Variants in TONSL observed in about 807,000 individuals in gnomAD.
TONSL encodes the protein tonsoku-like protein.
Under a neutral mutation model 147.1 loss-of-function variants are expected in TONSL, and 112 were observed. The ratio of observed to expected loss-of-function variants is 0.76; its 90% CI spans 0.65 to 0.89. The LOEUF (loss-of-function observed/expected upper bound fraction) is 0.89. Ranked by LOEUF, TONSL falls within the 40% of genes least tolerant of loss-of-function variation. TONSL has a pLI of 0.00. For missense variants in TONSL, 1,883 were observed against 1,864.6 expected (o/e 1.01, Z -0.18); for synonymous variants, 868 against 801.5 (o/e 1.08, Z -1.40).
At chr8:144,438,192 C>T (rs1425210357) in intron 13 of TONSL, 7 of 516,406 alleles carry the variant, frequency 1.4e-5, no homozygotes, top group Middle Eastern at 5.4e-4. Flanking sequence ...TAAGCCACCC[C>T]GTGCAGCCTC....
chr8:144,430,159 G>C (rs1461974368), intron 25 of TONSL, among the ~76,000 whole-genome samples: 2 of 152,214 alleles, frequency 1.3e-5, no homozygotes, highest in Non-Finnish European at 2.9e-5. Flanking sequence ...AGTCTGCTCT[G>C]AAGGTTGGGT....
At chr8:144,433,478 G>A in intron 22 of TONSL, 110 bp downstream of exon 22, 2 of 1,073,310 alleles carry the variant, frequency 1.9e-6, no homozygotes, top group East Asian at 2.5e-5. Flanking sequence ...CAAGTAGCTG[G>A]GACCACAGGT....
chr8:144,443,830 A>G, intron 3 of TONSL, 52 bp downstream of exon 3: 1 of 1,535,172 alleles, frequency 6.5e-7, no homozygotes, highest in Non-Finnish European at 8.7e-7. Flanking sequence ...CTCCTCAGAA[A>G]AGGGCTCCAG....
At chr8:144,433,392 A>G in intron 22 of TONSL, 196 bp downstream of exon 22, 1 of 582,612 alleles carries the variant, frequency 1.7e-6, no homozygotes, top group Non-Finnish European at 3.0e-6. Context: ...CTTTTTTCTT[A>G]AGGGATGGGG....
In TONSL at chr8:144,433,238, G is replaced by A. The variant is rs998929476; in HGVS notation, c.3559+350C>T. ...TGGGACTACAGGCACCGGCCACCAC[G>A]CCCAGCTAATTGTATTTTTAATAGA... On this transcript the variant is annotated intron_variant, in intron 22 of 25. Transcript: ENST00000409379. The A allele has an allele frequency of 8.9e-5, 17 of 191,624 alleles. No individual in the cohort carries two copies. In the South Asian group the frequency reaches 9.4e-4, roughly 11 times the overall value. 11.9% of individuals were successfully genotyped at this position (191,624 alleles called of 1,614,324 possible). A position where few individuals can be genotyped will look rare whatever the true frequency, so the allele number is the denominator to read the frequency against.
chr8:144,434,773 CG>C (rs1564728482), intron 20 of TONSL, 37 bp downstream of exon 20: 5 of 1,601,814 alleles, frequency 3.1e-6, no homozygotes, highest in Non-Finnish European at 4.3e-6. Flanking sequence ...CCCCCTTGTA[CG>C]ACCTCACCCA....
chr8:144,436,796 C>T lies in TONSL; in HGVS notation c.1851G>A (p.Leu617=). The T allele has an allele frequency of 6.2e-7, 1 of 1,611,522 alleles. No individual in the cohort carries two copies. The highest frequency in any genetic ancestry group is 8.5e-7 in the Non-Finnish European group (1 of 1,179,854). Residue 617 remains leucine, a synonymous_variant, in exon 15 of 26, where the codon CTG becomes CTA. Transcript: ENST00000409379. ...GGGTGACGGACGCCCCCCGTTCAAG[C>T]AGCAGCTCAGCCACCTCGAAGTGGC... ...NCGHFEVAEL[L]LERGASVTLR...
chr8:144,430,969 A>T lies in TONSL; in HGVS notation c.3809+109T>A, dbSNP rs1413870350. The T allele has an allele frequency of 3.1e-6, 4 of 1,275,800 alleles. No homozygotes were observed. In the African/African-American group the frequency reaches 4.4e-5, roughly 14 times the overall value. The allele number at this position is 1,275,800 out of a possible 1,614,324, so 79.0% of individuals were successfully genotyped here. On this transcript the variant is annotated intron_variant, in intron 24 of 25. Coordinates refer to ENST00000409379, the MANE Select transcript of TONSL (RefSeq NM_013432.5). ...GAAACCGAAGGAGCCAGGTCTTGGG[A>T]TGTGCTGGGGAGGAGGAGCTGGTAC...
Position 144,443,869 on chromosome 8 carries a change from AG to A in TONSL, c.264+12del. 1 of 1,544,048 alleles carries A rather than the reference AG, an allele frequency of 6.5e-7. No individual in the cohort carries two copies. On this transcript the variant is annotated intron_variant, in intron 3 of 25. Transcript: ENST00000409379. ...CCGACCGGGCTGGACGAGGCCAGTG[AG>A]GGCGCCCGCACCTGCAAGGCAGCCG... is the stretch of plus-strand genomic sequence containing the variant.
In TONSL at chr8:144,433,596, G is replaced by A. The variant is rs372316501; in HGVS notation, c.3551C>T (p.Ala1184Val). ...GTGCCTGGTCAGCTCACCTTGGAAA[G>A]CACTACCCAGTGCTGTCTGGTGGCT... The part of the protein sequence containing the change: ...FLSHQTALGS[A>V]FQDAEHLKTL... The change falls in exon 22 of 26, where the codon GCT (alanine) becomes GTT (valine). Residue 1184 changes from alanine (A) to valine (V), a missense_variant. Ala to Val is a moderately conservative substitution (Grantham distance 64). Transcript: ENST00000409379. 4.9e-4 allele frequency: 787 copies of A among 1,613,362 alleles called. 12 individuals are homozygous for A. In the South Asian group the frequency reaches 8.1e-3, roughly 17 times the overall value.
In TONSL at chr8:144,438,661, C is replaced by T. The variant is rs1823571964; in HGVS notation, c.1555G>A (p.Gly519Arg). 1.2e-6 allele frequency: 2 copies of T among 1,613,076 alleles called. No homozygotes were observed. Among genetic ancestry groups the T allele is most frequent in the African/African-American group, 1.3e-5 (1 of 74,908 alleles). The change falls in exon 12 of 26, where the codon GGG becomes AGG. Residue 519 changes from glycine (G) to arginine (R), a missense_variant. Gly to Arg is a moderately radical substitution (Grantham distance 125, BLOSUM62 -2). Coordinates refer to ENST00000409379, the MANE Select transcript of TONSL (RefSeq NM_013432.5). ...ELQGHLGRRK[G>R]SKWNRRNDMG... ...CAGGGCACTGTCCTCACCTTGCTCCCCTTCCGCCGGCCCAGGTGGCCCTGA... is the reference window on the plus strand; with the variant it reads ...CAGGGCACTGTCCTCACCTTGCTCCTCTTCCGCCGGCCCAGGTGGCCCTGA...
Position 144,435,645 on chromosome 8 carries a change from T to A in TONSL, c.2775+13A>T. The A allele has an allele frequency of 6.3e-7, 1 of 1,593,726 alleles. No individual in the cohort carries two copies. Among genetic ancestry groups the A allele is most frequent in the Non-Finnish European group, 8.6e-7 (1 of 1,166,160 alleles). ...AGTGGGGAGAGGGCTCTGCTCCAGG[T>A]CTGCATACCCACCAAGGGCTGGCCT... On this transcript the variant is annotated intron_variant, in intron 17 of 25. Transcript: ENST00000409379.
chr8:144,434,762 A>T lies in TONSL; in HGVS notation c.3085+49T>A, dbSNP rs1823362867. The T allele has an allele frequency of 2.5e-6, 4 of 1,585,154 alleles. No individual in the cohort carries two copies. The East Asian group carries it at 9.0e-5, about 36-fold the overall frequency. On this transcript the variant is annotated intron_variant, in intron 20 of 25. Coordinates refer to ENST00000409379, the MANE Select transcript of TONSL (RefSeq NM_013432.5). ...CGGGCTGGTGGAGCCTGTGTGCCCA[A>T]CCCCCTTGTACGACCTCACCCAGAA...
Position 144,440,024 on chromosome 8 carries a change from C to T in TONSL, c.1477G>A (p.Gly493Ser), listed in dbSNP as rs2229315. ...LEAGEVELSEGEDDTDGLTPQ... is the reference protein window; with the variant it reads ...LEAGEVELSESEDDTDGLTPQ... Reference sequence around the variant, plus strand: ...GCAAGGTGCCGCTGGCCCTCACCGCCCTCTGAGAGCTCCACCTCGCCGGCC... The same window carrying T: ...GCAAGGTGCCGCTGGCCCTCACCGCTCTCTGAGAGCTCCACCTCGCCGGCC... The change falls in exon 11 of 26, where the codon GGC (glycine) becomes AGC (serine). Residue 493 changes from glycine to serine, a missense_variant. Coordinates refer to ENST00000409379, the MANE Select transcript of TONSL (RefSeq NM_013432.5). 0.52 allele frequency: 636,199 copies of T among 1,224,910 alleles called. 167,745 individuals are homozygous for T. Among genetic ancestry groups the T allele is most frequent in the Middle Eastern group, 0.64 (3,357 of 5,272 alleles). The allele number at this position is 1,224,910 out of a possible 1,614,324, so 75.9% of individuals were successfully genotyped here.
rs200026282 is a variant in TONSL, at chr8:144,442,227, C to T, written c.750+14G>A. 2.3e-4 allele frequency: 363 copies of T among 1,588,576 alleles called. No homozygotes were observed. The highest frequency in any genetic ancestry group is 2.9e-4 in the Non-Finnish European group (337 of 1,164,164). On this transcript the variant is annotated intron_variant, in intron 6 of 25. Coordinates refer to ENST00000409379, the MANE Select transcript of TONSL (RefSeq NM_013432.5). ...CTACGAGAGCCTGAGCTCGGAGCCA[C>T]GCACAGCGGGTACCTGTGCAATAAC...
In TONSL at chr8:144,438,478, A is replaced by G. The variant is rs768945506; in HGVS notation, c.1646T>C (p.Val549Ala). 6.2e-7 allele frequency: 1 copy of G among 1,612,630 alleles called. No individual in the cohort carries two copies. The highest frequency in any genetic ancestry group is 8.5e-7 in the Non-Finnish European group (1 of 1,179,814). Residue 549 changes from valine (V) to alanine (A), a missense_variant, in exon 13 of 26, where the codon GTG (valine) becomes GCG (alanine). Transcript: ENST00000409379. ...EGQLRRVQDL[V>A]RQGHPLNPRD... ...TCCCAGAGCGGGGCCCACCTGCCTC[A>G]CAAGGTCCTGGACGCGGCGCAGCTG... is the stretch of plus-strand genomic sequence containing the variant.
chr8:144,440,573 C>T (rs555988581), intron 9 of TONSL, 97 bp from the exon 10 acceptor site: 604 of 1,521,712 alleles, frequency 4.0e-4, no homozygotes, highest in Admixed American at 1.7e-3. Context: ...AATGGGAGCC[C>T]GGCCTCCCAG....
intron 9 of TONSL, 65 bp from the exon 10 acceptor site, chr8:144,440,541 G>A (rs1564733130): frequency 2.0e-6 from 3 of 1,536,460 alleles, no homozygotes; most frequent in East Asian, 2.3e-5. Flanking sequence ...CCCCAGTCAA[G>A]CTTCCCCGGC....
At chr8:144,439,806 T>A (rs942019266) in intron 11 of TONSL, 17 of 547,230 alleles carry the variant, frequency 3.1e-5, no homozygotes, top group Non-Finnish European at 4.5e-5. Flanking sequence ...CTCACTCGAC[T>A]CCCAACCACT....
Sources: gnomAD v4.1 joint callset for allele counts (sites outside exome capture counted in the v4.1 genomes callset) on GRCh38, gnomAD v4.1.1 for gene constraint, MANE v1.5 for transcripts, NCBI Gene and HGNC (gene_info 2026-07-23, HGNC 2026-07-21) for gene names.